Variants in LHFPL4 observed in about 807,000 individuals in gnomAD.
LHFPL4 encodes the protein LHFPL tetraspan subfamily member 4 protein.
In LHFPL4, 6 loss-of-function variants were observed where a neutral mutation model predicts 20.0. The observed-to-expected ratio is 0.30, with a 90% CI of 0.16 to 0.59. The LOEUF (loss-of-function observed/expected upper bound fraction) is 0.59, where lower values mean the gene tolerates loss of function less well. LHFPL4 is among the 20% of genes least tolerant of loss of function. The pLI, the probability that LHFPL4 is intolerant of heterozygous loss-of-function variation, is 0.88. For synonymous variants in LHFPL4, 129 were observed against 143.8 expected (o/e 0.90, Z 0.74); for missense variants, 215 against 331.2 (o/e 0.65, Z 2.72).
intron 2 of LHFPL4, among the ~76,000 whole-genome samples, chr3:9,521,733 G>T (rs1337253186): frequency 6.6e-6 from 1 of 151,586 alleles, no homozygotes; most frequent in African/African-American, 2.4e-5. Context: ...TATTAACATG[G>T]TATAACTTTC....
intron 2 of LHFPL4, among the ~76,000 whole-genome samples, chr3:9,529,138 T>G (rs940810579): frequency 1.1e-4 from 16 of 151,384 alleles, no homozygotes; most frequent in African/African-American, 3.6e-4. Context: ...AAGCGATTCT[T>G]CTGCCTCAGC....
chr3:9,531,978 T>G (rs2046412112), intron 2 of LHFPL4, among the ~76,000 whole-genome samples: 1 of 152,218 alleles, frequency 6.6e-6, no homozygotes, highest in African/African-American at 2.4e-5. Flanking sequence ...ATCGATGTAC[T>G]TTTATGTAAA....
chr3:9,515,562 T>C (rs545558867), intron 2 of LHFPL4, among the ~76,000 whole-genome samples: 2 of 152,078 alleles, frequency 1.3e-5, no homozygotes, highest in South Asian at 4.2e-4. Context: ...TTAGTAGAGA[T>C]GGGGTTTTAC....
intron 2 of LHFPL4, among the ~76,000 whole-genome samples, chr3:9,521,391 AT>A (rs1352867397): frequency 3.5e-5 from 5 of 144,464 alleles, no homozygotes; most frequent in South Asian, 2.2e-4. Context: ...TGCTTGGCTA[AT>A]TTTTTTTCTA....
chr3:9,511,071 G>A (rs2046256233), intron 2 of LHFPL4, among the ~76,000 whole-genome samples: 2 of 152,074 alleles, frequency 1.3e-5, no homozygotes, highest in African/African-American at 4.8e-5. Flanking sequence ...AAAAAATTCA[G>A]CCTGGCATGG....
chr3:9,545,108 AG>A (rs1046579610), intron 2 of LHFPL4, among the ~76,000 whole-genome samples: 3 of 151,692 alleles, frequency 2.0e-5, no homozygotes, highest in African/African-American at 7.3e-5. Flanking sequence ...ACACAAGAAG[AG>A]GGGTGGGGAG....
At chr3:9,537,257 G>C (rs549734963) in intron 2 of LHFPL4, among the ~76,000 whole-genome samples, 18 of 152,062 alleles carry the variant, frequency 1.2e-4, no homozygotes, top group African/African-American at 4.3e-4. Flanking sequence ...TTCTGTTCCT[G>C]AAAACGTGTC....
intron 1 of LHFPL4, among the ~76,000 whole-genome samples, chr3:9,553,404 G>T (rs570441158): frequency 6.0e-4 from 91 of 151,632 alleles, no homozygotes; most frequent in African/African-American, 1.9e-3. Flanking sequence ...GGCGAGGAAG[G>T]GGGGGCTGTC....
At chr3:9,510,152 C>G (rs2046247773) in intron 2 of LHFPL4, among the ~76,000 whole-genome samples, 1 of 152,286 alleles carries the variant, frequency 6.6e-6, no homozygotes, top group African/African-American at 2.4e-5. Flanking sequence ...CCCAGTCATA[C>G]TGATTAAAAA....
At chr3:9,514,199 T>C (rs1267058410) in intron 2 of LHFPL4, among the ~76,000 whole-genome samples, 1 of 152,186 alleles carries the variant, frequency 6.6e-6, no homozygotes, top group African/African-American at 2.4e-5. Flanking sequence ...CCCAGTACTT[T>C]GGGAGGATGA....
chr3:9,511,132 A>T (rs2046256726), intron 2 of LHFPL4, among the ~76,000 whole-genome samples: 2 of 151,808 alleles, frequency 1.3e-5, no homozygotes, highest in Non-Finnish European at 2.9e-5. Context: ...CAGGTGGATC[A>T]CGAGGTCAGG....
At chr3:9,550,881 T>A (rs1009918175) in intron 2 of LHFPL4, 2 of 152,224 alleles carry the variant, frequency 1.3e-5, no homozygotes, top group Non-Finnish European at 2.9e-5. Flanking sequence ...ATTCTTCCAA[T>A]GAGGCAGTAA....
Position 9,499,302 on chromosome 3 carries a change from C to A in LHFPL4, c.*2909G>T, listed in dbSNP as rs1007714550. 1 of 152,560 alleles carries A rather than the reference C, an allele frequency of 6.6e-6. No homozygotes were observed. The highest frequency in any genetic ancestry group is 1.5e-5 in the Non-Finnish European group (1 of 68,364). 9.5% of individuals were successfully genotyped at this position (152,560 alleles called of 1,614,324 possible). On this transcript the variant is annotated 3_prime_UTR_variant, in exon 4 of 4. Transcript: ENST00000287585. ...GGGCCATCAGGGCCTCACCTGGGGC[C>A]CCCACTGGAGCACCTGCCACCTGCC...
intron 2 of LHFPL4, among the ~76,000 whole-genome samples, chr3:9,549,468 G>A (rs1179038149): frequency 6.6e-6 from 1 of 152,204 alleles, no homozygotes; most frequent in Non-Finnish European, 1.5e-5. Context: ...GGCTGAGGCG[G>A]GTGGATCACC....
At chr3:9,525,014 T>G (rs1156407021) in intron 2 of LHFPL4, among the ~76,000 whole-genome samples, 1 of 152,110 alleles carries the variant, frequency 6.6e-6, no homozygotes, top group Non-Finnish European at 1.5e-5. Context: ...TTGCCCTCCT[T>G]AGGTGGGACA....
chr3:9,548,795 A>G (rs1201277398), intron 2 of LHFPL4, among the ~76,000 whole-genome samples: 1 of 152,190 alleles, frequency 6.6e-6, no homozygotes, highest in African/African-American at 2.4e-5. Context: ...CAGAGTCACC[A>G]TGATTAATTA....
chr3:9,552,154 A>C, intron 2 of LHFPL4, 120 bp downstream of exon 2: 1 of 1,318,756 alleles, frequency 7.6e-7, no homozygotes, highest in Non-Finnish European at 1.0e-6. Flanking sequence ...TCAGCCAAAG[A>C]GGTGAGTGTC....
At chr3:9,504,242 C>T (rs965373678) in intron 3 of LHFPL4, among the ~76,000 whole-genome samples, 1 of 151,748 alleles carries the variant, frequency 6.6e-6, no homozygotes, top group Non-Finnish European at 1.5e-5. Context: ...GTGGTGGCAA[C>T]ATGCCTGTAA....
At chr3:9,523,189 C>G (rs1331141511) in intron 2 of LHFPL4, among the ~76,000 whole-genome samples, 1 of 150,806 alleles carries the variant, frequency 6.6e-6, no homozygotes, top group African/African-American at 2.4e-5. Context: ...GAGGCTGAGG[C>G]GGGTAGATCA....
Sources: gnomAD v4.1 joint callset for allele counts (sites outside exome capture counted in the v4.1 genomes callset) on GRCh38, gnomAD v4.1.1 for gene constraint, MANE v1.5 for transcripts, NCBI Gene and HGNC (gene_info 2026-07-23, HGNC 2026-07-21) for gene names.